The following ERC1 variants were observed in gnomAD, a reference collection of about 807,000 sequenced individuals.
ERC1 encodes RAB6 interacting protein 2.
Under a neutral mutation model 132.0 loss-of-function variants are expected in ERC1, and 56 were observed. The ratio of observed to expected loss-of-function variants is 0.42; its 90% CI spans 0.34 to 0.53. ERC1 has a LOEUF of 0.53. Among genes scored for constraint, ERC1 ranks in the 20% least tolerant of loss-of-function variants. The pLI, the probability that ERC1 is intolerant of heterozygous loss-of-function variation, is 0.03. For synonymous variants in ERC1, 478 were observed against 476.1 expected (o/e 1.00, Z -0.05); for missense variants, 1,202 against 1,349.9 (o/e 0.89, Z 1.72).
intron 9 of ERC1, 127 bp from the exon 10 acceptor site, chr12:1,181,798 A>AT: frequency 9.9e-7 from 1 of 1,013,276 alleles, no homozygotes; most frequent in Non-Finnish European, 1.4e-6. Flanking sequence ...AAAAAAAAAA[A>AT]GTGGATTCTT....
chr12:1,166,415 T>G (rs896050262), intron 8 of ERC1, among the ~76,000 whole-genome samples: 2 of 152,176 alleles, frequency 1.3e-5, no homozygotes, highest in South Asian at 4.1e-4. Flanking sequence ...GTAAGTCCAT[T>G]AAACCTCTTT....
intron 1 of ERC1, among the ~76,000 whole-genome samples, chr12:1,015,722 C>G (rs577466423): frequency 6.6e-6 from 1 of 152,128 alleles, no homozygotes; most frequent in Admixed American, 6.6e-5. Flanking sequence ...TTTCTCGTCC[C>G]TAGTAATATT....
At chr12:1,159,688 G>A (rs1951714010) in intron 8 of ERC1, among the ~76,000 whole-genome samples, 1 of 152,066 alleles carries the variant, frequency 6.6e-6, no homozygotes, top group Admixed American at 6.6e-5. Context: ...ATTTGCTTTG[G>A]TTATTTTTTC....
At chr12:1,077,496 A>G (rs1941535964) in intron 2 of ERC1, among the ~76,000 whole-genome samples, 2 of 151,756 alleles carry the variant, frequency 1.3e-5, no homozygotes, top group Admixed American at 6.6e-5. Context: ...ACAATATCCT[A>G]CCATTTCATT....
chr12:1,185,755 T>G (rs1319110381), intron 11 of ERC1, among the ~76,000 whole-genome samples: 2 of 151,912 alleles, frequency 1.3e-5, no homozygotes, highest in Non-Finnish European at 2.9e-5. Context: ...TTAATTTATA[T>G]TGAGGTGACT....
chr12:1,291,211 C>T (rs909322870), intron 15 of ERC1, among the ~76,000 whole-genome samples: 2 of 152,134 alleles, frequency 1.3e-5, no homozygotes, highest in Non-Finnish European at 2.9e-5. Context: ...TAGTGCAAGG[C>T]TACGAGATTC....
intron 2 of ERC1, among the ~76,000 whole-genome samples, chr12:1,033,897 TGG>T (rs1391771057): frequency 6.6e-6 from 1 of 152,212 alleles, no homozygotes; most frequent in African/African-American, 2.4e-5. Context: ...CCCAAAGTGT[TGG>T]GATTACAGGC....
At chr12:1,104,880 A>G (rs1945079144) in intron 4 of ERC1, 56 bp downstream of exon 4, 1 of 1,173,176 alleles carries the variant, frequency 8.5e-7, no homozygotes, top group South Asian at 1.2e-5. Flanking sequence ...TTAAGTGATC[A>G]AAAACTTCCA....
chr12:1,288,154 G>C (rs1272921751), intron 14 of ERC1, among the ~76,000 whole-genome samples: 2 of 152,138 alleles, frequency 1.3e-5, no homozygotes, highest in Non-Finnish European at 2.9e-5. Flanking sequence ...TTTGTACCCA[G>C]TTTTAGATAA....
rs556888735 is a variant in ERC1 at position 1,024,859 on chromosome 12, A to G, written c.-156-2889A>G. On this transcript the variant is annotated intron_variant, in intron 1 of 18. Coordinates refer to ENST00000360905, the MANE Select transcript of ERC1 (RefSeq NM_178040.4). ...AAAAAGTGGAAAAAAAAAAAAAAAG[A>G]AAATACTTGGGAAAAAATAATACAA... is the stretch of plus-strand genomic sequence containing the variant. 2.6e-5 allele frequency among the ~76,000 whole-genome samples: 4 copies of G among 151,194 alleles called. No individual in the cohort carries two copies. The South Asian group carries it at 6.3e-4, about 24-fold the overall frequency.
intron 14 of ERC1, among the ~76,000 whole-genome samples, chr12:1,289,440 A>G (rs1363375212): frequency 6.6e-6 from 1 of 152,014 alleles, no homozygotes; most frequent in Non-Finnish European, 1.5e-5. Flanking sequence ...TATACAGGAA[A>G]TCTGTTATTT....
chr12:1,232,655 A>T (rs573224698), intron 12 of ERC1, among the ~76,000 whole-genome samples: 13 of 151,834 alleles, frequency 8.6e-5, no homozygotes, highest in African/African-American at 3.1e-4. Flanking sequence ...TTGGTTCTTT[A>T]GAGTTTCTAT....
intron 1 of ERC1, among the ~76,000 whole-genome samples, chr12:1,004,401 CTTTTTTTTT>C (rs71055118): frequency 1.8e-3 from 171 of 95,050 alleles, no homozygotes; most frequent in Non-Finnish European, 2.9e-3. Context: ...TTTTCTTTCT[CTTTTTTTTT>C]TTTTTTTTTT....
chr12:1,183,128 T>C lies in ERC1; in HGVS notation c.2017-153T>C, dbSNP rs186850707. 1.5e-3 allele frequency among the ~76,000 whole-genome samples: 230 copies of C among 152,268 alleles called. 1 individual carries two copies. The highest frequency in any genetic ancestry group is 4.6e-3 in the Admixed American group (70 of 15,298). On this transcript the variant is annotated intron_variant, in intron 10 of 18. Coordinates refer to ENST00000360905, the MANE Select transcript of ERC1 (RefSeq NM_178040.4). The stretch of plus-strand genomic sequence containing the variant: ...TAAGAGTTGAAAGCTAGAGCTAATA[T>C]TGTTTTATATTTCATGAATGAGTTT...
rs1959192895 is a variant in ERC1, at chr12:991,259, CGGTAGTGGCGGCGGCGGCGGT to C, written c.-218_-198del. 6.1e-6 allele frequency: 1 copy of C among 165,082 alleles called. No homozygotes were observed. Among genetic ancestry groups the C allele is most frequent in the Admixed American group, 6.6e-5 (1 of 15,104 alleles). 10.2% of individuals were successfully genotyped at this position (165,082 alleles called of 1,614,324 possible). A position where few individuals can be genotyped will look rare whatever the true frequency, so the allele number is the denominator to read the frequency against. ...GGCCGTGCTGTGGCGGCGGCGGCGGCGGTAGTGGCGGCGGCGGCGGTGCCTGGGCGGCAGCAGCAGCAGTAG... is the reference window on the plus strand; with the variant it reads ...GGCCGTGCTGTGGCGGCGGCGGCGGCGCCTGGGCGGCAGCAGCAGCAGTAG... On this transcript the variant is annotated 5_prime_UTR_variant, in exon 1 of 19. Transcript: ENST00000360905.
At chr12:1,124,035 TCAACAA>T (rs1164443895) in intron 7 of ERC1, among the ~76,000 whole-genome samples, 1 of 152,140 alleles carries the variant, frequency 6.6e-6, no homozygotes, top group African/African-American at 2.4e-5. Context: ...AACAGATAAA[TCAACAA>T]TTGTAGTTGG....
rs149924325 is a variant in ERC1, at chr12:1,491,696, G to C, written c.*1466G>C. 3.0e-3 allele frequency: 691 copies of C among 230,708 alleles called. 23 individuals carry two copies. The East Asian group carries it at 0.041, about 14-fold the overall frequency. The allele number at this position is 230,708 out of a possible 1,614,324, so 14.3% of individuals were successfully genotyped here. A position where few individuals can be genotyped will look rare whatever the true frequency, so the allele number is the denominator to read the frequency against. ...AGAGGGGCTCTGAGTATCTACTTGT[G>C]GGTGGCCATTTCCTGACATCTGCAT... On this transcript the variant is annotated 3_prime_UTR_variant, in exon 19 of 19. Coordinates refer to ENST00000360905, the MANE Select transcript of ERC1 (RefSeq NM_178040.4).
chr12:1,257,349 A>G (rs776296161), intron 13 of ERC1: 1 of 152,228 alleles, frequency 6.6e-6, no homozygotes, highest in Non-Finnish European at 1.5e-5. Context: ...TGACCCACAC[A>G]AACTGTGTGA....
At chr12:1,032,919 C>G (rs1320074872) in intron 2 of ERC1, among the ~76,000 whole-genome samples, 1 of 151,964 alleles carries the variant, frequency 6.6e-6, no homozygotes, top group East Asian at 1.9e-4. Flanking sequence ...GTCACCCAGG[C>G]TGGAGTGCAG....
Sources: allele counts gnomAD v4.1 joint callset (sites outside exome capture counted in the v4.1 genomes callset), GRCh38; gene constraint gnomAD v4.1.1; transcripts MANE v1.5; gene names NCBI Gene and HGNC (gene_info 2026-07-23, HGNC 2026-07-21).